Variants in TG observed in about 807,000 individuals in gnomAD.
TG encodes the protein thyroglobulin, also known as thyroid hormones.
A neutral mutation model predicts 324.7 loss-of-function variants in TG; 270 were observed. The ratio of observed to expected loss-of-function variants is 0.83; its 90% CI spans 0.75 to 0.92. TG has a LOEUF of 0.92. TG is among the 40% of genes least tolerant of loss of function. TG has a pLI of 0.00. For missense variants in TG, 3,591 were observed against 3,456.4 expected (o/e 1.04, Z -0.98); for synonymous variants, 1,401 against 1,327.0 (o/e 1.06, Z -1.21).
chr8:132,948,293 G>A (rs1825627835), intron 26 of TG, among the ~76,000 whole-genome samples: 1 of 151,790 alleles, frequency 6.6e-6, no homozygotes, highest in Non-Finnish European at 1.5e-5. Flanking sequence ...GAGCGAGAGT[G>A]AGCGAGAGCG....
At chr8:133,082,273 CTGTT>C (rs1308787130) in intron 41 of TG, among the ~76,000 whole-genome samples, 1 of 152,140 alleles carries the variant, frequency 6.6e-6, no homozygotes, top group East Asian at 1.9e-4. Context: ...AGGAGTGTAT[CTGTT>C]TGGCCAGTTA....
chr8:132,887,548 T>C lies in TG; in HGVS notation c.2176T>C (p.Cys726Arg). The C allele has an allele frequency of 6.2e-7, 1 of 1,614,130 alleles. No individual in the cohort carries two copies. Among genetic ancestry groups the C allele is most frequent in the Non-Finnish European group, 8.5e-7 (1 of 1,180,018 alleles). ...TRSAIGKPKKCPTPCQLQSEQ... is the reference protein window; with the variant it reads ...TRSAIGKPKKRPTPCQLQSEQ... ...AAGTGCAATAGGGAAGCCCAAGAAA[T>C]GTAAGTCTGTTGGGTATTCAATCTG... Residue 726 changes from cysteine to arginine, a missense_variant and splice_region_variant, in exon 9 of 48, where the codon TGC becomes CGC. Transcript: ENST00000220616.
intron 41 of TG, chr8:133,060,105 G>T (rs142984250): frequency 1.9e-6 from 3 of 1,598,348 alleles, no homozygotes; most frequent in South Asian, 1.1e-5. Context: ...CTTACCCTCC[G>T]GGTTGGGCAG....
intron 28 of TG, among the ~76,000 whole-genome samples, chr8:132,961,732 A>G (rs1398644846): frequency 1.3e-5 from 2 of 151,506 alleles, no homozygotes; most frequent in African/African-American, 4.9e-5. Context: ...GGCCCATCAC[A>G]GGTCATGGCC....
chr8:132,921,394 AAG>A (rs1400681173), intron 21 of TG, among the ~76,000 whole-genome samples: 1 of 152,184 alleles, frequency 6.6e-6, no homozygotes, highest in Non-Finnish European at 1.5e-5. Context: ...TGAGCAGTGA[AAG>A]AGATTTTAGT....
chr8:132,968,230 A>G (rs973192586), intron 31 of TG, among the ~76,000 whole-genome samples: 1 of 152,246 alleles, frequency 6.6e-6, no homozygotes, highest in Non-Finnish European at 1.5e-5. Flanking sequence ...CTTTAAAAAA[A>G]TAAAACCCAA....
At chr8:133,005,624 G>A (rs919996066) in intron 35 of TG, among the ~76,000 whole-genome samples, 2 of 152,198 alleles carry the variant, frequency 1.3e-5, no homozygotes, top group African/African-American at 4.8e-5. Context: ...CTGAGGCTCA[G>A]AGAAGGGGAG....
rs146491847 is a variant in TG, at chr8:133,095,139, A to T, written c.7335A>T (p.Ser2445=). ...ALAKEVSCPM[S]SSQEVVSCLR... ...CAAAGGAGGTCAGTTGCCCCATGTC[A>T]TCCAGCCAAGAAGTGGTGTCCTGCC... The change falls in exon 42 of 48, where the codon TCA becomes TCT. Residue 2445 remains serine, a synonymous_variant. Transcript: ENST00000220616. 557 of 1,614,110 alleles carry T rather than the reference A, an allele frequency of 3.5e-4. No homozygotes were observed. The highest frequency in any genetic ancestry group is 4.2e-4 in the Non-Finnish European group (496 of 1,180,038).
intron 46 of TG, among the ~76,000 whole-genome samples, chr8:133,132,837 G>T (rs1406099462): frequency 6.6e-6 from 1 of 152,134 alleles, no homozygotes; most frequent in Non-Finnish European, 1.5e-5. Context: ...TGGGCCTTGG[G>T]GGATAAATAG....
Position 132,928,977 on chromosome 8 carries a change from G to A in TG, c.4700-99G>A, listed in dbSNP as rs1360728550. On this transcript the variant is annotated intron_variant, in intron 22 of 47. Transcript: ENST00000220616. ...GGACATTTGTGTTACCAAGAGCTAC[G>A]AATGGGTATTGACTGCTTGACCTAA... 1.4e-5 allele frequency: 13 copies of A among 944,040 alleles called. No homozygotes were observed. In the East Asian group the frequency reaches 2.4e-4, roughly 17 times the overall value. The allele number at this position is 944,040 out of a possible 1,614,324, so 58.5% of individuals were successfully genotyped here.
At chr8:132,896,163 T>C (rs527604394) in intron 11 of TG, among the ~76,000 whole-genome samples, 122 of 152,362 alleles carry the variant, frequency 8.0e-4, no homozygotes, top group Non-Finnish European at 1.3e-3. Context: ...AATATCACAG[T>C]TGTCTTGTTA....
chr8:132,888,609 G>T, intron 10 of TG, 41 bp downstream of exon 10: 1 of 1,535,526 alleles, frequency 6.5e-7, no homozygotes. Flanking sequence ...GTGTGTGTGT[G>T]TGTGTGTGTG....
At chr8:132,960,163 C>A (rs1051072890) in intron 27 of TG, among the ~76,000 whole-genome samples, 1 of 152,072 alleles carries the variant, frequency 6.6e-6, no homozygotes, top group South Asian at 2.1e-4. Context: ...AACAAACCAG[C>A]ACAAAGTTTT....
intron 22 of TG, among the ~76,000 whole-genome samples, chr8:132,925,512 A>AGTGTGT (rs1262863949): frequency 6.0e-5 from 4 of 67,178 alleles, no homozygotes; most frequent in South Asian, 5.2e-4. Flanking sequence ...AGTCCTAAGG[A>AGTGTGT]GTGCGTGTGT....
intron 6 of TG, among the ~76,000 whole-genome samples, 179 bp downstream of exon 6, chr8:132,882,148 A>G (rs1478784937): frequency 1.3e-5 from 2 of 152,260 alleles, no homozygotes; most frequent in African/African-American, 2.4e-5. Context: ...TGGTGAATGC[A>G]GCTGCTGCTG....
chr8:132,869,923 C>T (rs1839326860), intron 3 of TG, 97 bp downstream of exon 3: 1 of 1,057,816 alleles, frequency 9.5e-7, no homozygotes, highest in African/African-American at 1.5e-5. Flanking sequence ...TGAGCAGGTC[C>T]TCCCTCTGGG....
At chr8:133,001,711 T>G (rs1377379096) in intron 35 of TG, 2 of 980,374 alleles carry the variant, frequency 2.0e-6, no homozygotes, top group East Asian at 1.1e-4. Flanking sequence ...TTCCAGCAAG[T>G]GCCCTGTGGC....
chr8:132,915,504 C>T (rs1025598056), intron 20 of TG, among the ~76,000 whole-genome samples: 4 of 152,056 alleles, frequency 2.6e-5, no homozygotes, highest in South Asian at 4.1e-4. Flanking sequence ...TGTCAGGGCA[C>T]GGGGCTTCCG....
At chr8:133,050,554 G>A (rs1840213890) in intron 41 of TG, 3 of 394,470 alleles carry the variant, frequency 7.6e-6, no homozygotes, top group Non-Finnish European at 1.4e-5. Context: ...AAGAATATGA[G>A]AAGAGGCTGG....
Sources: gnomAD v4.1 joint callset for allele counts (sites outside exome capture counted in the v4.1 genomes callset) on GRCh38, gnomAD v4.1.1 for gene constraint, MANE v1.5 for transcripts, NCBI Gene and HGNC (gene_info 2026-07-23, HGNC 2026-07-21) for gene names.